The following CTDSP2 variants were observed in gnomAD, a reference collection of about 807,000 sequenced individuals.
CTDSP2 encodes the protein CTD small phosphatase 2, also known as carboxy-terminal domain RNA polymerase II polypeptide A small phosphatase 2.
In CTDSP2, 9 loss-of-function variants were observed where a neutral mutation model predicts 31.6. That is an observed-to-expected ratio of 0.28 (90% CI 0.17 to 0.50). The LOEUF (loss-of-function observed/expected upper bound fraction) is 0.50, where lower values mean the gene tolerates loss of function less well. Ranked by LOEUF, CTDSP2 falls within the 20% of genes least tolerant of loss-of-function variation. The pLI is 0.98. For missense variants in CTDSP2, 267 were observed against 348.5 expected (o/e 0.77, Z 1.86); for synonymous variants, 134 against 134.5 (o/e 1.00, Z 0.03).
intron 1 of CTDSP2, among the ~76,000 whole-genome samples, chr12:57,833,931 C>CT (rs1956231557): frequency 6.6e-6 from 1 of 152,216 alleles, no homozygotes; most frequent in African/African-American, 2.4e-5. Context: ...TTACTATTAA[C>CT]ACTTTGGTAG....
rs995827415 is a variant in CTDSP2, at chr12:57,846,279, T to C, written c.64+93A>G. The C allele has an allele frequency of 2.5e-6, 3 of 1,211,354 alleles. No individual in the cohort carries two copies. In the African/African-American group the frequency reaches 4.7e-5, roughly 19 times the overall value. The allele number at this position is 1,211,354 out of a possible 1,614,324, so 75.0% of individuals were successfully genotyped here. On this transcript the variant is annotated intron_variant, in intron 1 of 7. Coordinates refer to ENST00000398073, the MANE Select transcript of CTDSP2 (RefSeq NM_005730.4). The stretch of plus-strand genomic sequence containing the variant: ...AGTCGGGATCGCTGGCTCTAAGCCC[T>C]GGAGGTCAAGGGCCGAGACCTGGGT...
chr12:57,822,858 C>T lies in CTDSP2; in HGVS notation c.*744G>A, dbSNP rs137958177. The T allele has an allele frequency of 2.8e-4, 43 of 152,798 alleles. No homozygotes were observed. Among genetic ancestry groups the T allele is most frequent in the African/African-American group, 9.1e-4 (38 of 41,556 alleles). 9.5% of individuals were successfully genotyped at this position (152,798 alleles called of 1,614,324 possible). A position where few individuals can be genotyped will look rare whatever the true frequency, so the allele number is the denominator to read the frequency against. On this transcript the variant is annotated 3_prime_UTR_variant, in exon 8 of 8. Transcript: ENST00000398073. ...AAAGAACGGAAATCAGTTATCTGTC[C>T]TCTTCCCGGGCAGGGAGAAAACCTC...
Position 57,824,006 on chromosome 12 carries a change from C to A in CTDSP2, c.588G>T (p.Gln196His). Residue 196 changes from glutamine (Q) to histidine (H), a missense_variant, in exon 7 of 8, where the codon CAG becomes CAT. Gln to His is a conservative substitution (Grantham distance 24, BLOSUM62 0). Around this residue, in one of 2 missense-constraint regions of CTDSP2, gnomAD observed 156 missense variants for 241.3 expected, o/e 0.65. Coordinates refer to ENST00000398073, the MANE Select transcript of CTDSP2 (RefSeq NM_005730.4). ...GGCTGAGGTCCTTGACGTAGCAGCCCTGGTGGAACACGCAAGACTCACGGA... is the reference window on the plus strand; with the variant it reads ...GGCTGAGGTCCTTGACGTAGCAGCCATGGTGGAACACGCAAGACTCACGGA... ...RLFRESCVFH[Q>H]GCYVKDLSRL... is the part of the protein sequence containing the mutation. 1 of 1,614,144 alleles carries A rather than the reference C, an allele frequency of 6.2e-7. No individual in the cohort carries two copies. Among genetic ancestry groups the A allele is most frequent in the African/African-American group, 1.3e-5 (1 of 75,032 alleles).
In CTDSP2 at chr12:57,821,695, G is replaced by T. The variant is rs140866764; in HGVS notation, c.*1907C>A. The T allele has an allele frequency of 2.0e-5, 3 of 152,220 alleles. No homozygotes were observed. The highest frequency in any genetic ancestry group is 2.9e-5 in the Non-Finnish European group (2 of 68,070). 9.4% of individuals were successfully genotyped at this position (152,220 alleles called of 1,614,324 possible). A position where few individuals can be genotyped will look rare whatever the true frequency, so the allele number is the denominator to read the frequency against. ...TTCCTTCAAGAGACAGTATATTTCT[G>T]GCTAGCACATGGGGTCCTTCTCCCT... On this transcript the variant is annotated 3_prime_UTR_variant, in exon 8 of 8. Coordinates refer to ENST00000398073, the MANE Select transcript of CTDSP2 (RefSeq NM_005730.4).
chr12:57,826,125 A>G (rs1249605811), intron 5 of CTDSP2, among the ~76,000 whole-genome samples: 1 of 152,238 alleles, frequency 6.6e-6, no homozygotes, highest in East Asian at 1.9e-4. Flanking sequence ...GCAAAGAGAA[A>G]ACAAGGGAGA....
chr12:57,830,123 C>T (rs952228890), intron 1 of CTDSP2, among the ~76,000 whole-genome samples: 1 of 152,134 alleles, frequency 6.6e-6, no homozygotes, highest in Admixed American at 6.5e-5. Flanking sequence ...CAGTGGCTCA[C>T]GCCTGTAATT....
At position 57,846,460 on chromosome 12, in the gene CTDSP2, G is replaced by A. The variant is rs568677682; in HGVS notation, c.-25C>T. 4 of 1,556,918 alleles carry A rather than the reference G, an allele frequency of 2.6e-6. No individual in the cohort carries two copies. The highest frequency in any genetic ancestry group is 3.5e-6 in the Non-Finnish European group (4 of 1,152,714). On this transcript the variant is annotated 5_prime_UTR_variant, in exon 1 of 8. Coordinates refer to ENST00000398073, the MANE Select transcript of CTDSP2 (RefSeq NM_005730.4). ...TCTAACAATCCCGCGGGCCCGGGCTGGCTGGGCGGGAGGACGGGCGGGCGC... is the reference window on the plus strand; with the variant it reads ...TCTAACAATCCCGCGGGCCCGGGCTAGCTGGGCGGGAGGACGGGCGGGCGC...
intron 5 of CTDSP2, among the ~76,000 whole-genome samples, 184 bp downstream of exon 5, chr12:57,826,162 C>A (rs1277110799): frequency 1.3e-5 from 2 of 152,158 alleles, no homozygotes; most frequent in Non-Finnish European, 2.9e-5. Context: ...GGGGCTGAAA[C>A]TCTTTTTTTA....
chr12:57,837,789 T>C (rs747131240), intron 1 of CTDSP2, among the ~76,000 whole-genome samples: 1 of 152,242 alleles, frequency 6.6e-6, no homozygotes, highest in Non-Finnish European at 1.5e-5. Context: ...GTGCCCTCTC[T>C]GCACCAGCAA....
intron 1 of CTDSP2, among the ~76,000 whole-genome samples, chr12:57,830,359 T>C (rs1956207987): frequency 6.6e-6 from 1 of 151,730 alleles, no homozygotes; most frequent in African/African-American, 2.4e-5. Context: ...CACTCCAGCC[T>C]GGATGACAGA....
Position 57,824,228 on chromosome 12 carries a change from T to C in CTDSP2, c.503A>G (p.Lys168Arg). 1 of 1,614,050 alleles carries C rather than the reference T, an allele frequency of 6.2e-7. No individual in the cohort carries two copies. Among genetic ancestry groups the C allele is most frequent in the Non-Finnish European group, 8.5e-7 (1 of 1,179,920 alleles). Residue 168 changes from lysine to arginine, a missense_variant and splice_region_variant, in exon 6 of 8, where the codon AAG (lysine) becomes AGG (arginine). Lys to Arg is a conservative substitution (Grantham distance 26). This residue lies in a region of CTDSP2 where 156 missense variants were observed against 241.3 expected (regional missense o/e 0.65). Transcript: ENST00000398073. Reference protein sequence around the residue: ...ECVLFTASLAKYADPVTDLLD... With the variant: ...ECVLFTASLARYADPVTDLLD... ...TTCTTCCCTCTCACCCCTAGGTACC[T>C]TGGCCAGGCTGGCAGTGAAGAGAAC...
intron 2 of CTDSP2, among the ~76,000 whole-genome samples, chr12:57,828,030 T>G (rs77359002): frequency 0.022 from 3,278 of 152,194 alleles, 51 homozygotes; most frequent in Middle Eastern, 0.054. Flanking sequence ...ACAAGCCCTA[T>G]AAAACATCAA....
At chr12:57,825,898 G>A (rs871871) in intron 5 of CTDSP2, among the ~76,000 whole-genome samples, 48,280 of 151,866 alleles carry the variant, frequency 0.32, 8,794 homozygotes, top group East Asian at 0.72. Flanking sequence ...AGGGCATTCC[G>A]GGCAGAGAAA....
At chr12:57,842,843 T>C (rs922653100) in intron 1 of CTDSP2, 9 of 152,202 alleles carry the variant, frequency 5.9e-5, no homozygotes, top group African/African-American at 1.9e-4. Flanking sequence ...ATGTCTAAGC[T>C]TTTCAAGTTA....
Position 57,827,173 on chromosome 12 carries a change from A to T in CTDSP2, c.253-76T>A, listed in dbSNP as rs568952881. Reference sequence around the variant, plus strand: ...TACCCCTTGGCATAATTATGGGAAGAGCTGGGTTGTTTGTGGAGACACAAT... The same window carrying T: ...TACCCCTTGGCATAATTATGGGAAGTGCTGGGTTGTTTGTGGAGACACAAT... On this transcript the variant is annotated intron_variant, in intron 3 of 7. Coordinates refer to ENST00000398073, the MANE Select transcript of CTDSP2 (RefSeq NM_005730.4). 101 of 1,086,482 alleles carry T rather than the reference A, an allele frequency of 9.3e-5. 1 individual carries two copies. The South Asian group carries it at 1.1e-3, about 12-fold the overall frequency. 67.3% of individuals were successfully genotyped at this position (1,086,482 alleles called of 1,614,324 possible).
chr12:57,839,113 G>A (rs986210070), intron 1 of CTDSP2, among the ~76,000 whole-genome samples: 1 of 152,158 alleles, frequency 6.6e-6, no homozygotes, highest in African/African-American at 2.4e-5. Context: ...CAGAAGGAAT[G>A]GAAGGAGTCT....
In CTDSP2 at chr12:57,846,537, A is replaced by G. The variant is rs1956318430; in HGVS notation, c.-102T>C. On this transcript the variant is annotated 5_prime_UTR_variant, in exon 1 of 8. Coordinates refer to ENST00000398073, the MANE Select transcript of CTDSP2 (RefSeq NM_005730.4). ...GGGCGGGGGCCCGCTCCGGCTCCCG[A>G]GACTCCGACTTCCACAGCTGTTCAC... is the stretch of plus-strand genomic sequence containing the variant. 2 of 915,980 alleles carry G rather than the reference A, an allele frequency of 2.2e-6. No individual in the cohort carries two copies. The highest frequency in any genetic ancestry group is 3.6e-5 in the African/African-American group (2 of 55,584). The allele number at this position is 915,980 out of a possible 1,614,324, so 56.7% of individuals were successfully genotyped here.
intron 1 of CTDSP2, among the ~76,000 whole-genome samples, chr12:57,835,366 A>AG (rs1956241614): frequency 1.3e-5 from 2 of 150,320 alleles, no homozygotes; most frequent in South Asian, 4.2e-4. Flanking sequence ...TATGTTGCCC[A>AG]GGCTGGCCTT....
chr12:57,826,406 G>T lies in CTDSP2; in HGVS notation c.355-4C>A. 6.2e-7 allele frequency: 1 copy of T among 1,614,064 alleles called. No homozygotes were observed. Among genetic ancestry groups the T allele is most frequent in the Non-Finnish European group, 8.5e-7 (1 of 1,179,936 alleles). On this transcript the variant is annotated splice_polypyrimidine_tract_variant and splice_region_variant and intron_variant, in intron 4 of 7. Coordinates refer to ENST00000398073, the MANE Select transcript of CTDSP2 (RefSeq NM_005730.4). The stretch of plus-strand genomic sequence containing the variant: ...TGAAGTCAGCATTGTTGATTGGCTG[G>T]AAGGCAGAAAAGTTAATGCTGTCAG...
Sources: gnomAD v4.1 joint callset for allele counts (sites outside exome capture counted in the v4.1 genomes callset) on GRCh38, gnomAD v4.1.1 for gene constraint, gnomAD v4.1.1 regional missense constraint, MANE v1.5 for transcripts, NCBI Gene and HGNC (gene_info 2026-07-23, HGNC 2026-07-21) for gene names.